Variants in NRXN1 observed in about 807,000 individuals in gnomAD.
NRXN1 encodes the protein neurexin-1.
NRXN1 carries 39 observed loss-of-function variants against 150.9 expected under a neutral mutation model. That is an observed-to-expected ratio of 0.26 (90% CI 0.20 to 0.34). The LOEUF is 0.34. NRXN1 is among the 10% of genes least tolerant of loss of function. The probability of loss-of-function intolerance (pLI) is 1.00; values close to 1 mark genes in which losing one functional copy is unlikely to be tolerated. For synonymous variants in NRXN1, 924 were observed against 757.0 expected (o/e 1.22, Z -3.62); for missense variants, 1,815 against 1,949.9 (o/e 0.93, Z 1.30).
chr2:49,960,121 A>G (rs1011261455), intron 21 of NRXN1, among the ~76,000 whole-genome samples: 1 of 152,182 alleles, frequency 6.6e-6, no homozygotes, highest in Non-Finnish European at 1.5e-5. Flanking sequence ...AGGGAGACAG[A>G]CCTTGGAAAT....
intron 2 of NRXN1, chr2:51,026,353 T>C: frequency 1.3e-6 from 2 of 1,528,982 alleles, no homozygotes; most frequent in Non-Finnish European, 1.8e-6. Flanking sequence ...ATTCGTCTTT[T>C]TCACACCACT....
chr2:50,136,864 C>G (rs1489123724), intron 18 of NRXN1, among the ~76,000 whole-genome samples: 1 of 152,104 alleles, frequency 6.6e-6, no homozygotes, highest in Non-Finnish European at 1.5e-5. Flanking sequence ...TTGTACACAT[C>G]TAGGAATGGA....
chr2:50,403,475 G>A (rs1318052004), intron 17 of NRXN1, among the ~76,000 whole-genome samples: 1 of 152,008 alleles, frequency 6.6e-6, no homozygotes, highest in Non-Finnish European at 1.5e-5. Context: ...TCACATTTGG[G>A]CTATAAGCTT....
At chr2:50,976,259 A>G (rs1695820732) in intron 2 of NRXN1, among the ~76,000 whole-genome samples, 1 of 151,424 alleles carries the variant, frequency 6.6e-6, no homozygotes, top group African/African-American at 2.4e-5. Flanking sequence ...TCTGCAACTA[A>G]GTGGGGATTC....
At chr2:50,964,684 T>G (rs1575072088) in intron 2 of NRXN1, among the ~76,000 whole-genome samples, 1 of 151,552 alleles carries the variant, frequency 6.6e-6, no homozygotes, top group East Asian at 1.9e-4. Flanking sequence ...AGACCCAATT[T>G]TCTATAGAGA....
chr2:50,988,276 T>A (rs1226549760), intron 2 of NRXN1, among the ~76,000 whole-genome samples: 2 of 151,976 alleles, frequency 1.3e-5, no homozygotes, highest in Non-Finnish European at 2.9e-5. Flanking sequence ...TTAGTCATTA[T>A]TTATTAACTC....
At chr2:49,969,926 A>T (rs1677650676) in intron 21 of NRXN1, 1 of 152,134 alleles carries the variant, frequency 6.6e-6, no homozygotes, top group South Asian at 2.1e-4. Flanking sequence ...CTTAGAGCCA[A>T]GATGGTGGAA....
At chr2:50,913,291 T>C (rs1684785373) in intron 5 of NRXN1, among the ~76,000 whole-genome samples, 1 of 151,746 alleles carries the variant, frequency 6.6e-6, no homozygotes. Context: ...CCCTGTGAAA[T>C]GGAATCACAA....
chr2:49,927,867 T>G (rs1454885970), intron 22 of NRXN1, among the ~76,000 whole-genome samples: 2 of 152,090 alleles, frequency 1.3e-5, no homozygotes, highest in Non-Finnish European at 2.9e-5. Flanking sequence ...ACTGTAATCT[T>G]ATATATATAT....
chr2:50,585,622 G>C (rs1333979851), intron 8 of NRXN1, among the ~76,000 whole-genome samples: 1 of 152,102 alleles, frequency 6.6e-6, no homozygotes, highest in Non-Finnish European at 1.5e-5. Context: ...ACTTGGCAAA[G>C]TCAATGCACT....
intron 19 of NRXN1, among the ~76,000 whole-genome samples, chr2:50,062,763 T>C (rs1433640895): frequency 1.3e-5 from 2 of 152,190 alleles, no homozygotes; most frequent in South Asian, 4.1e-4. Context: ...TTTTTCTCCT[T>C]TCATTTTAGT....
intron 8 of NRXN1, among the ~76,000 whole-genome samples, chr2:50,581,405 C>A (rs1350218351): frequency 6.6e-6 from 1 of 152,104 alleles, no homozygotes; most frequent in Non-Finnish European, 1.5e-5. Context: ...TTTCTCTCTT[C>A]AAATAATTAA....
intron 17 of NRXN1, among the ~76,000 whole-genome samples, chr2:50,375,764 T>C (rs1267027994): frequency 6.6e-6 from 1 of 151,828 alleles, no homozygotes; most frequent in East Asian, 2.0e-4. Context: ...TTTTTTATCA[T>C]AATAAAAAGT....
chr2:50,329,932 A>T (rs1227440895), intron 17 of NRXN1, among the ~76,000 whole-genome samples: 1 of 151,694 alleles, frequency 6.6e-6, no homozygotes, highest in African/African-American at 2.4e-5. Flanking sequence ...TCGGCCTCCA[A>T]AAGTGCTGGG....
intron 5 of NRXN1, among the ~76,000 whole-genome samples, chr2:50,715,821 A>T (rs2105080104): frequency 6.6e-6 from 1 of 152,278 alleles, no homozygotes; most frequent in South Asian, 2.1e-4. Context: ...TCCATATATT[A>T]ATCTCCATAT....
At chr2:50,252,086 T>C (rs1315591251) in intron 17 of NRXN1, among the ~76,000 whole-genome samples, 1 of 151,942 alleles carries the variant, frequency 6.6e-6, no homozygotes, top group Non-Finnish European at 1.5e-5. Flanking sequence ...TCTTTTTATG[T>C]TTTTGTCATG....
chr2:50,625,494 C>A (rs1680857444), intron 5 of NRXN1, among the ~76,000 whole-genome samples: 1 of 152,064 alleles, frequency 6.6e-6, no homozygotes. Context: ...GAGCACCTCC[C>A]AAGTGTTAAG....
intron 5 of NRXN1, among the ~76,000 whole-genome samples, chr2:50,703,610 C>T (rs1167407436): frequency 6.6e-6 from 1 of 152,080 alleles, no homozygotes; most frequent in Non-Finnish European, 1.5e-5. Context: ...CCATGGAGTG[C>T]CATAAAGGGC....
chr2:50,366,424 T>C (rs1193683206), intron 17 of NRXN1, among the ~76,000 whole-genome samples: 1 of 151,840 alleles, frequency 6.6e-6, no homozygotes, highest in African/African-American at 2.4e-5. Flanking sequence ...GGCTATCAAC[T>C]TAGACAGGCT....
Sources: allele counts gnomAD v4.1 joint callset (sites outside exome capture counted in the v4.1 genomes callset), GRCh38; gene constraint gnomAD v4.1.1; transcripts MANE v1.5; gene names NCBI Gene and HGNC (gene_info 2026-07-23, HGNC 2026-07-21).